Variants in ZNF892 observed in about 807,000 individuals in gnomAD.
ZNF892 encodes zinc finger protein 570-like.
chr2:95,233,797 G>A, the ZNF892 span, among the ~76,000 whole-genome samples: 5 of 151,014 alleles, frequency 3.3e-5, no homozygotes, highest in East Asian at 9.9e-4. Flanking sequence ...ACCACGCCTG[G>A]CCCTCCTTTG....
chr2:95,223,220 G>C, the ZNF892 span, among the ~76,000 whole-genome samples: 1 of 152,032 alleles, frequency 6.6e-6, no homozygotes, highest in African/African-American at 2.4e-5. Flanking sequence ...TGTTTCCACT[G>C]TCATATATTT....
the ZNF892 span, chr2:95,215,252 G>A: frequency 2.1e-6 from 1 of 472,408 alleles, no homozygotes; most frequent in South Asian, 5.8e-5. Context: ...CCCTGACTCA[G>A]CACCAGAGGA....
At chr2:95,246,800 A>G in the ZNF892 span, among the ~76,000 whole-genome samples, 1 of 152,320 alleles carries the variant, frequency 6.6e-6, no homozygotes, top group East Asian at 1.9e-4. Flanking sequence ...TACAGCTAAC[A>G]AGGGAAGTGA....
chr2:95,222,533 A>AT, the ZNF892 span, among the ~76,000 whole-genome samples: 1 of 152,200 alleles, frequency 6.6e-6, no homozygotes. Flanking sequence ...GTAGATGTGT[A>AT]GTGGTATCTC....
At chr2:95,238,957 G>C in the ZNF892 span, among the ~76,000 whole-genome samples, 2 of 152,078 alleles carry the variant, frequency 1.3e-5, no homozygotes, top group Non-Finnish European at 1.5e-5. Context: ...TGGCCAACAT[G>C]GTAAAACCCC....
At chr2:95,262,876 A>C in the ZNF892 span, among the ~76,000 whole-genome samples, 3 of 152,250 alleles carry the variant, frequency 2.0e-5, no homozygotes, top group Admixed American at 2.0e-4. Flanking sequence ...ATAGTAGCAA[A>C]TAAAGACAAT....
the ZNF892 span, among the ~76,000 whole-genome samples, chr2:95,213,676 AG>A: frequency 6.6e-6 from 1 of 152,134 alleles, no homozygotes; most frequent in Non-Finnish European, 1.5e-5. Flanking sequence ...AGAGGTGATT[AG>A]TTGCTTTCCA....
chr2:95,237,953 C>T, the ZNF892 span, among the ~76,000 whole-genome samples: 1 of 152,100 alleles, frequency 6.6e-6, no homozygotes, highest in African/African-American at 2.4e-5. Flanking sequence ...TTTGAAGCTA[C>T]CAGAGGTTGG....
chr2:95,257,519 G>A, the ZNF892 span, among the ~76,000 whole-genome samples: 6 of 152,278 alleles, frequency 3.9e-5, no homozygotes, highest in South Asian at 1.0e-3. Context: ...CGGGGGTCAC[G>A]GACCCACTTG....
the ZNF892 span, among the ~76,000 whole-genome samples, chr2:95,249,813 A>G: frequency 6.6e-6 from 1 of 152,192 alleles, no homozygotes; most frequent in Non-Finnish European, 1.5e-5. Context: ...AAACACGCGT[A>G]ATAGTGTTTC....
At chr2:95,209,823 G>A in the ZNF892 span, among the ~76,000 whole-genome samples, 12 of 152,152 alleles carry the variant, frequency 7.9e-5, no homozygotes, top group Non-Finnish European at 5.9e-5. Context: ...TGTACAGAAC[G>A]AAGATGGTGC....
the ZNF892 span, among the ~76,000 whole-genome samples, chr2:95,250,617 ACT>A: frequency 1.7e-5 from 1 of 58,316 alleles, no homozygotes; most frequent in East Asian, 3.5e-4. Context: ...ATAAATATAA[ACT>A]ATTCATAAAT....
chr2:95,233,370 T>C, the ZNF892 span, among the ~76,000 whole-genome samples: 1 of 151,436 alleles, frequency 6.6e-6, no homozygotes, highest in Non-Finnish European at 1.5e-5. Context: ...TGGCTATTTT[T>C]TGAAAAAAAT....
At chr2:95,240,468 G>A in the ZNF892 span, among the ~76,000 whole-genome samples, 31 of 152,268 alleles carry the variant, frequency 2.0e-4, no homozygotes, top group African/African-American at 6.3e-4. Flanking sequence ...AGATCCCCTC[G>A]TGAGCCCACA....
the ZNF892 span, among the ~76,000 whole-genome samples, chr2:95,249,323 C>T: frequency 7.4e-6 from 1 of 134,492 alleles, no homozygotes; most frequent in African/African-American, 2.8e-5. Flanking sequence ...TCACTGCAAC[C>T]TCTGCTTCCT....
chr2:95,238,079 A>T, the ZNF892 span, among the ~76,000 whole-genome samples: 7 of 152,270 alleles, frequency 4.6e-5, no homozygotes, highest in Admixed American at 4.6e-4. Flanking sequence ...AAGATCATTG[A>T]TGAAGGGGGC....
chr2:95,238,674 C>T, the ZNF892 span, among the ~76,000 whole-genome samples: 21 of 152,318 alleles, frequency 1.4e-4, no homozygotes, highest in Non-Finnish European at 2.5e-4. Flanking sequence ...AGTCACCATT[C>T]TAGATGCCAT....
the ZNF892 span, among the ~76,000 whole-genome samples, chr2:95,256,927 G>C: frequency 1.2e-4 from 18 of 152,224 alleles, no homozygotes; most frequent in Admixed American, 9.2e-4. Context: ...GCTCCATCAG[G>C]TCCTTTAAGG....
chr2:95,240,746 C>T, the ZNF892 span, among the ~76,000 whole-genome samples: 1 of 152,220 alleles, frequency 6.6e-6, no homozygotes, highest in African/African-American at 2.4e-5. Flanking sequence ...TGGCTGGAGT[C>T]TGCCTGAGAC....
Sources: gnomAD v4.1 joint callset for allele counts (sites outside exome capture counted in the v4.1 genomes callset) on GRCh38, gnomAD v4.1.1 for gene constraint, MANE v1.5 for transcripts, NCBI Gene and HGNC (gene_info 2026-07-23, HGNC 2026-07-21) for gene names.